Variants in BTN2A1 observed in about 807,000 individuals in gnomAD.
BTN2A1 encodes the protein butyrophilin subfamily 2 member A1.
In BTN2A1, 41 loss-of-function variants were observed where a neutral mutation model predicts 34.5. The observed-to-expected ratio is 1.19, with a 90% CI of 0.93 to 1.54. The LOEUF is 1.54. Among genes scored for constraint, BTN2A1 ranks in the 40% most tolerant of loss-of-function variants. The probability of loss-of-function intolerance (pLI) is 0.00; values close to 1 mark genes in which losing one functional copy is unlikely to be tolerated. For missense variants in BTN2A1, 642 were observed against 662.0 expected (o/e 0.97, Z 0.33); for synonymous variants, 267 against 258.6 (o/e 1.03, Z -0.31).
In BTN2A1 at chr6:26,463,540, C is replaced by A; in HGVS notation, c.712+15C>A. 6.2e-7 allele frequency: 1 copy of A among 1,608,358 alleles called. No homozygotes were observed. Among genetic ancestry groups the A allele is most frequent in the Non-Finnish European group, 8.5e-7 (1 of 1,176,036 alleles). ...TTTTATTCCAGGTTAGTTCTCTGCCCTCTGAGACTCGTCGAGTGCATGGGG... is the reference window on the plus strand; with the variant it reads ...TTTTATTCCAGGTTAGTTCTCTGCCATCTGAGACTCGTCGAGTGCATGGGG... On this transcript the variant is annotated intron_variant, in intron 4 of 7. Transcript: ENST00000312541.
intron 4 of BTN2A1, among the ~76,000 whole-genome samples, chr6:26,464,589 A>G (rs1247505325): frequency 6.6e-6 from 1 of 152,170 alleles, no homozygotes; most frequent in Non-Finnish European, 1.5e-5. Context: ...GAGCATATGC[A>G]AAGGGCCTGG....
Position 26,469,135 on chromosome 6 carries a change from G to A in BTN2A1, c.*586G>A, listed in dbSNP as rs370869280. 32 of 1,095,944 alleles carry A rather than the reference G, an allele frequency of 2.9e-5. No individual in the cohort carries two copies. The highest frequency in any genetic ancestry group is 1.5e-4 in the South Asian group (6 of 39,496). The allele number at this position is 1,095,944 out of a possible 1,614,324, so 67.9% of individuals were successfully genotyped here. On this transcript the variant is annotated 3_prime_UTR_variant, in exon 8 of 8. Transcript: ENST00000312541. The stretch of plus-strand genomic sequence containing the variant: ...CACCCAGCCCCAGGATTTCCAGAGC[G>A]CACATCCACAGGCCTGGACCTGGGA...
chr6:26,458,803 G>A, intron 2 of BTN2A1, 85 bp downstream of exon 2: 1 of 1,526,566 alleles, frequency 6.6e-7, no homozygotes, highest in South Asian at 1.1e-5. Context: ...AAGAAGGACT[G>A]TGGAGTTGTT....
At chr6:26,476,398 G>T (rs954570903) in exon 8 of BTN2A1, 6 of 720,932 alleles carry the variant, frequency 8.3e-6, no homozygotes, top group Non-Finnish European at 1.6e-5. Flanking sequence ...CCAAACTCCG[G>T]CTTGCCCAGA....
intron 3 of BTN2A1, among the ~76,000 whole-genome samples, chr6:26,460,214 CACTGCA>C (rs998231432): frequency 6.6e-6 from 1 of 152,012 alleles, no homozygotes; most frequent in African/African-American, 2.4e-5. Flanking sequence ...GATCTTGTCT[CACTGCA>C]ACCTCTGCCT....
intron 7 of BTN2A1, among the ~76,000 whole-genome samples, chr6:26,466,717 G>A (rs991282276): frequency 1.3e-5 from 2 of 152,168 alleles, no homozygotes; most frequent in East Asian, 3.8e-4. Flanking sequence ...CAGAATCCAA[G>A]CTTTACCAGA....
chr6:26,470,926 G>A (rs1020865521), downstream of BTN2A1, among the ~76,000 whole-genome samples: 3 of 152,148 alleles, frequency 2.0e-5, no homozygotes, highest in Non-Finnish European at 4.4e-5. Flanking sequence ...AATTGCATGA[G>A]TCAATTCCCT....
intron 1 of BTN2A1, 50 bp downstream of exon 1, chr6:26,458,192 G>A (rs967534922): frequency 4.0e-5 from 7 of 174,570 alleles, no homozygotes; most frequent in African/African-American, 1.4e-4. Context: ...CACAGTAGGT[G>A]GGGGAAGCGG....
intron 3 of BTN2A1, 114 bp downstream of exon 3, chr6:26,459,942 C>CCACAGGGAGATTCGACAGGGA: frequency 1.0e-6 from 1 of 961,422 alleles, no homozygotes; most frequent in Non-Finnish European, 1.5e-6. Context: ...ACTCCCTTTT[C>CCACAGGGAGATTCGACAGGGA]CACTCTCCCT....
Position 26,463,673 on chromosome 6 carries a change from C to T in BTN2A1, c.712+148C>T, listed in dbSNP as rs1327399275. On this transcript the variant is annotated intron_variant, in intron 4 of 7. Transcript: ENST00000312541. ...AGGCTGCAGCTGAGTGAAGCCTTTC[C>T]GCTTCTCACAAAAGGAGAATCAAAG... The T allele has an allele frequency of 5.4e-5, 51 of 949,628 alleles. No homozygotes were observed. In the East Asian group the frequency reaches 7.6e-4, roughly 14 times the overall value. The allele number at this position is 949,628 out of a possible 1,614,324, so 58.8% of individuals were successfully genotyped here.
rs1308395714 is a variant in BTN2A1, at chr6:26,469,018, T to C, written c.*469T>C. ...ATATGCAGATCAGAGATAGAGGAAG[T>C]GGAACCAGAGAGCTGGGAGGGACCA... On this transcript the variant is annotated 3_prime_UTR_variant, in exon 8 of 8. Transcript: ENST00000312541. 1.2e-5 allele frequency: 14 copies of C among 1,179,814 alleles called. 1 individual carries two copies. In the East Asian group the frequency reaches 2.3e-4, roughly 20 times the overall value. The allele number at this position is 1,179,814 out of a possible 1,614,324, so 73.1% of individuals were successfully genotyped here.
intron 3 of BTN2A1, among the ~76,000 whole-genome samples, chr6:26,461,331 T>G (rs1308678819): frequency 2.0e-5 from 3 of 152,272 alleles, no homozygotes; most frequent in African/African-American, 7.2e-5. Flanking sequence ...GGTTGGTTGG[T>G]GGCTGATTTT....
chr6:26,459,291 C>G (rs1763094149), intron 2 of BTN2A1, among the ~76,000 whole-genome samples, 190 bp from the exon 3 acceptor site: 1 of 152,210 alleles, frequency 6.6e-6, no homozygotes, highest in South Asian at 2.1e-4. Context: ...GAAGCAGAAG[C>G]ACACTTTATA....
chr6:26,468,881 A>G lies in BTN2A1; in HGVS notation c.*332A>G, dbSNP rs1763398988. ...ACATCAGGGTGACCACATTAAGCCC[A>G]GTATTCCAGTTGGCACCAGAAGATA... On this transcript the variant is annotated 3_prime_UTR_variant, in exon 8 of 8. Transcript: ENST00000312541. 7.2e-7 allele frequency: 1 copy of G among 1,388,820 alleles called. No homozygotes were observed. The highest frequency in any genetic ancestry group is 2.0e-5 in the Admixed American group (1 of 49,690). The allele number at this position is 1,388,820 out of a possible 1,614,324, so 86.0% of individuals were successfully genotyped here. A position where few individuals can be genotyped will look rare whatever the true frequency, so the allele number is the denominator to read the frequency against.
downstream of BTN2A1, among the ~76,000 whole-genome samples, chr6:26,472,680 C>T (rs556229024): frequency 1.3e-5 from 2 of 152,280 alleles, no homozygotes; most frequent in Admixed American, 6.5e-5. Flanking sequence ...TGCCCCAGCT[C>T]ACCTGTGTTA....
At chr6:26,473,630 T>C (rs979361554), downstream of BTN2A1, among the ~76,000 whole-genome samples, 1 of 152,254 alleles carries the variant, frequency 6.6e-6, no homozygotes, top group African/African-American at 2.4e-5. Context: ...AGGGGATGTC[T>C]GCAAACTGCC....
At chr6:26,462,964 C>A in intron 3 of BTN2A1, 1 of 1,194,682 alleles carries the variant, frequency 8.4e-7, no homozygotes, top group Non-Finnish European at 1.1e-6. Context: ...ATGCTTGGTG[C>A]TGTGATGGGG....
At chr6:26,465,014 C>T (rs1264504125) in intron 4 of BTN2A1, among the ~76,000 whole-genome samples, 171 bp from the exon 5 acceptor site, 1 of 152,146 alleles carries the variant, frequency 6.6e-6, no homozygotes, top group South Asian at 2.1e-4. Flanking sequence ...CCCTGGAAGC[C>T]ATTGAGGTGT....
Position 26,468,090 on chromosome 6 carries a change from C to T in BTN2A1, c.1125C>T (p.Val375=). 1 of 1,614,194 alleles carries T rather than the reference C, an allele frequency of 6.2e-7. No homozygotes were observed. Among genetic ancestry groups the T allele is most frequent in the Non-Finnish European group, 8.5e-7 (1 of 1,180,040 alleles). ...NPERFDSQPC[V]LGRESFASGK... ...AGAGATTCGACAGTCAGCCTTGTGTCCTAGGCCGGGAGAGCTTCGCTTCAG... is the reference window on the plus strand; with the variant it reads ...AGAGATTCGACAGTCAGCCTTGTGTTCTAGGCCGGGAGAGCTTCGCTTCAG... Residue 375 remains valine, a synonymous_variant, in exon 8 of 8, where the codon GTC becomes GTT. Transcript: ENST00000312541.
Sources: allele counts gnomAD v4.1 joint callset (sites outside exome capture counted in the v4.1 genomes callset), GRCh38; gene constraint gnomAD v4.1.1; transcripts MANE v1.5; gene names NCBI Gene and HGNC (gene_info 2026-07-23, HGNC 2026-07-21).